CUL9: variants seen among roughly 807,000 people sequenced by gnomAD.
The protein encoded by CUL9 is cullin 9.
A neutral mutation model predicts 272.6 loss-of-function variants in CUL9; 79 were observed. That is an observed-to-expected ratio of 0.29 (90% CI 0.24 to 0.35). The LOEUF (loss-of-function observed/expected upper bound fraction) is 0.35. CUL9 is among the 10% of genes least tolerant of loss of function. CUL9 has a pLI of 1.00. For missense variants in CUL9, 2,532 were observed against 3,255.6 expected, an observed-to-expected ratio of 0.78 and a Z score of 5.41; for synonymous variants, 1,186 against 1,286.5, an observed-to-expected ratio of 0.92 and a Z score of 1.67.
chr6:43,189,695 C>G (rs1220886229), intron 8 of CUL9, among the ~76,000 whole-genome samples: 1 of 152,130 alleles, frequency 6.6e-6, no homozygotes, highest in African/African-American at 2.4e-5. Context: ...AGGTGCCCAC[C>G]ACCAGGCCCA....
Position 43,203,408 on chromosome 6 carries a change from A to G in CUL9, c.3850-9A>G. 1.2e-6 allele frequency: 2 copies of G among 1,613,720 alleles called. No individual in the cohort carries two copies. Among genetic ancestry groups the G allele is most frequent in the Non-Finnish European group, 1.7e-6 (2 of 1,179,850 alleles). ...GCTTGGGTGACAGATAAGTCTGTGC[A>G]TGTTCCAGGGCGGCATTGACACCCG... On this transcript the variant is annotated splice_polypyrimidine_tract_variant and intron_variant, in intron 18 of 40. Transcript: ENST00000252050. This position sits in a 1 kb window ranked among gnomAD's most constrained non-coding sequence, Gnocchi z 5.0.
At position 43,220,440 on chromosome 6, in the gene CUL9, C is replaced by G. The variant is rs746095801; in HGVS notation, c.6283-19C>G. ...CTCCCACACTGTCTGTGAGCAGCCC[C>G]TCCTTTTGTCCCTCCCAGTCTTGCT... On this transcript the variant is annotated intron_variant, in intron 31 of 40. Coordinates refer to ENST00000252050, the MANE Select transcript of CUL9 (RefSeq NM_015089.4). This position sits in a 1 kb window ranked among gnomAD's most constrained non-coding sequence, Gnocchi z 4.9. The G allele has an allele frequency of 4.3e-6, 7 of 1,613,708 alleles. No individual in the cohort carries two copies. The Admixed American group carries it at 1.0e-4, about 23-fold the overall frequency.
rs149758693 is a variant in CUL9 at position 43,184,113 on chromosome 6, G to A, written c.-9-189G>A. Among the ~76,000 whole-genome samples the A allele has an allele frequency of 1.3e-5, 2 of 152,114 alleles. No homozygotes were observed. Among genetic ancestry groups the A allele is most frequent in the African/African-American group, 4.8e-5 (2 of 41,492 alleles). ...TCTGTCTTCACTCCATTCTCCTTCTGTTATAAATCCCAAAGTATGTTCAGC... is the reference window on the plus strand; with the variant it reads ...TCTGTCTTCACTCCATTCTCCTTCTATTATAAATCCCAAAGTATGTTCAGC... On this transcript the variant is annotated intron_variant, in intron 1 of 40. Coordinates refer to ENST00000252050, the MANE Select transcript of CUL9 (RefSeq NM_015089.4). This position sits in a 1 kb window ranked among gnomAD's most constrained non-coding sequence, Gnocchi z 4.8.
Position 43,216,160 on chromosome 6 carries a change from C to T in CUL9, c.5939C>T (p.Pro1980Leu). Reference protein sequence around the residue: ...GSQSETSKPSPEAVATLASLQ... With the variant: ...GSQSETSKPSLEAVATLASLQ... ...TCTGTCTCTTCCCTCCCCACAAGCC[C>T]AGAAGCTGTGGCTACCCTGGCATCT... Residue 1980 changes from proline (P) to leucine (L), a missense_variant and splice_region_variant, in exon 31 of 41, where the codon CCA becomes CTA. Coordinates refer to ENST00000252050, the MANE Select transcript of CUL9 (RefSeq NM_015089.4). 1 of 1,601,308 alleles carries T rather than the reference C, an allele frequency of 6.2e-7. No individual in the cohort carries two copies.
At position 43,203,291 on chromosome 6, in the gene CUL9, T is replaced by C. The variant is rs1774771314; in HGVS notation, c.3849+87T>C. The C allele has an allele frequency of 6.9e-6, 11 of 1,593,590 alleles. No homozygotes were observed. Among genetic ancestry groups the C allele is most frequent in the Non-Finnish European group, 9.5e-6 (11 of 1,162,132 alleles). ...TCTGCTTGGGAGATGGCCCAGGACC[T>C]GTTGAGTCCCAGAGATGTGGGGATG... On this transcript the variant is annotated intron_variant, in intron 18 of 40. Coordinates refer to ENST00000252050, the MANE Select transcript of CUL9 (RefSeq NM_015089.4). The surrounding 1 kb of genome is among the most constrained non-coding windows in gnomAD (Gnocchi z 5.0).
At chr6:43,191,637 T>G (rs1582310802) in intron 8 of CUL9, among the ~76,000 whole-genome samples, 1 of 151,826 alleles carries the variant, frequency 6.6e-6, no homozygotes. Context: ...CAGGCTGGAG[T>G]GCAGCAGTGC....
intron 30 of CUL9, among the ~76,000 whole-genome samples, chr6:43,215,691 C>T (rs1775882108): frequency 6.6e-6 from 1 of 152,186 alleles, no homozygotes; most frequent in Non-Finnish European, 1.5e-5. Context: ...CTGCTGTTTG[C>T]ATCATGTGTA....
Position 43,184,861 on chromosome 6 carries a change from G to T in CUL9, c.551G>T (p.Arg184Leu), listed in dbSNP as rs773291608. The change falls in exon 2 of 41, where the codon CGG (arginine) becomes CTG (leucine). Residue 184 changes from arginine (R) to leucine (L), a missense_variant. By Grantham distance (102) the Arg-to-Leu change is moderately radical. Around this residue, in one of 3 missense-constraint regions of CUL9, gnomAD observed 2,218 missense variants for 2,788.6 expected, o/e 0.80. Coordinates refer to ENST00000252050, the MANE Select transcript of CUL9 (RefSeq NM_015089.4). This position sits in a 1 kb window ranked among gnomAD's most constrained non-coding sequence, Gnocchi z 4.8. The stretch of plus-strand genomic sequence containing the variant: ...TGCAATCCTGAGCCTCAGATCCGCC[G>T]GAGTGCAGGCAAAATGCTGCAGGCT... ...MLCNPEPQIR[R>L]SAGKMLQALA... The T allele has an allele frequency of 6.2e-7, 1 of 1,604,188 alleles. No individual in the cohort carries two copies. Among genetic ancestry groups the T allele is most frequent in the South Asian group, 1.1e-5 (1 of 91,056 alleles).
intron 7 of CUL9, 103 bp from the exon 8 acceptor site, chr6:43,188,420 A>T: frequency 8.8e-7 from 1 of 1,135,196 alleles, no homozygotes; most frequent in Non-Finnish European, 1.2e-6. Flanking sequence ...AGTAGCCGAT[A>T]ATGTGTTTAA....
At position 43,221,116 on chromosome 6, in the gene CUL9, C is replaced by G. The variant is rs1216206613; in HGVS notation, c.6589-42C>G. 1 of 1,600,950 alleles carries G rather than the reference C, an allele frequency of 6.2e-7. No homozygotes were observed. Among genetic ancestry groups the G allele is most frequent in the African/African-American group, 1.3e-5 (1 of 74,812 alleles). ...TCCTGTGCACACCAGCCATGCTGCCCTCACGGCTCAGCTGTGTCCCCACCA... is the reference window on the plus strand; with the variant it reads ...TCCTGTGCACACCAGCCATGCTGCCGTCACGGCTCAGCTGTGTCCCCACCA... On this transcript the variant is annotated intron_variant, in intron 33 of 40. Coordinates refer to ENST00000252050, the MANE Select transcript of CUL9 (RefSeq NM_015089.4). The surrounding 1 kb of genome is among the most constrained non-coding windows in gnomAD (Gnocchi z 4.2).
chr6:43,212,796 C>A, intron 26 of CUL9: 1 of 219,412 alleles, frequency 4.6e-6, no homozygotes, highest in South Asian at 8.2e-5. Context: ...GCTCACCTTG[C>A]CTGAGCTGTG....
rs1036022834 is a variant in CUL9, at chr6:43,186,802, C to T, written c.1252-158C>T. ...CCCACTCCTGATAAGGGAAGGAAGC[C>T]TTTTGCCATATGGGGGTTTTTCCAG... On this transcript the variant is annotated intron_variant, in intron 4 of 40. Coordinates refer to ENST00000252050, the MANE Select transcript of CUL9 (RefSeq NM_015089.4). 15 of 866,494 alleles carry T rather than the reference C, an allele frequency of 1.7e-5. No individual in the cohort carries two copies. The Admixed American group carries it at 2.0e-4, about 12-fold the overall frequency. 53.7% of individuals were successfully genotyped at this position (866,494 alleles called of 1,614,324 possible).
At chr6:43,191,291 T>TGTGTGTGTGC (rs1354600009) in intron 8 of CUL9, among the ~76,000 whole-genome samples, 5 of 145,754 alleles carry the variant, frequency 3.4e-5, no homozygotes, top group African/African-American at 1.3e-4. Flanking sequence ...TGTGTGTGTG[T>TGTGTGTGTGC]GCGTGTTGTT....
In CUL9 at chr6:43,221,595, G is replaced by C. The variant is rs1582439132; in HGVS notation, c.6753-90G>C. The C allele has an allele frequency of 2.5e-6, 3 of 1,210,532 alleles. No individual in the cohort carries two copies. Among genetic ancestry groups the C allele is most frequent in the African/African-American group, 1.5e-5 (1 of 67,220 alleles). The allele number at this position is 1,210,532 out of a possible 1,614,324, so 75.0% of individuals were successfully genotyped here. ...TATCAGGGCAGGAGCAGAGGCCACA[G>C]CATCAACAGCGGTACATCTGGGCCC... is the stretch of plus-strand genomic sequence containing the variant. On this transcript the variant is annotated intron_variant, in intron 34 of 40. Transcript: ENST00000252050. This position sits in a 1 kb window ranked among gnomAD's most constrained non-coding sequence, Gnocchi z 4.2.
intron 20 of CUL9, 134 bp from the exon 21 acceptor site, chr6:43,204,226 C>A: frequency 8.5e-7 from 1 of 1,173,176 alleles, no homozygotes; most frequent in Non-Finnish European, 1.2e-6. Context: ...TGAAACAAAC[C>A]TTGGTGAGGG....
In CUL9 at chr6:43,204,598, C is replaced by T. The variant is rs1171663417; in HGVS notation, c.4339+59C>T. 68 of 1,604,316 alleles carry T rather than the reference C, an allele frequency of 4.2e-5. No individual in the cohort carries two copies. In the South Asian group the frequency reaches 5.2e-4, roughly 12 times the overall value. ...TGCGGACAGTGGTGTATCTGGCTCCCTCCTCCCTGGGTCTTACTCTTGCTG... is the reference window on the plus strand; with the variant it reads ...TGCGGACAGTGGTGTATCTGGCTCCTTCCTCCCTGGGTCTTACTCTTGCTG... On this transcript the variant is annotated intron_variant, in intron 21 of 40. Transcript: ENST00000252050.
At position 43,218,451 on chromosome 6, in the gene CUL9, C is replaced by CAG. The variant is rs1328167207; in HGVS notation, c.6282+1948_6282+1949insAG. ...CAGGATGGTCTCGATCTCCTGACCTCGTGATCCACCCACCTCAGCCTCCCA... is the reference window on the plus strand; with the variant it reads ...CAGGATGGTCTCGATCTCCTGACCTCAGGTGATCCACCCACCTCAGCCTCCCA... On this transcript the variant is annotated intron_variant, in intron 31 of 40. Coordinates refer to ENST00000252050, the MANE Select transcript of CUL9 (RefSeq NM_015089.4). This position sits in a 1 kb window ranked among gnomAD's most constrained non-coding sequence, Gnocchi z 4.4. 1.3e-5 allele frequency among the ~76,000 whole-genome samples: 2 copies of CAG among 151,456 alleles called. No homozygotes were observed. Among genetic ancestry groups the CAG allele is most frequent in the Admixed American group, 6.6e-5 (1 of 15,214 alleles).
chr6:43,204,409 A>G lies in CUL9; in HGVS notation c.4209A>G (p.Glu1403=). The G allele has an allele frequency of 6.2e-7, 1 of 1,614,026 alleles. No individual in the cohort carries two copies. Among genetic ancestry groups the G allele is most frequent in the Non-Finnish European group, 8.5e-7 (1 of 1,179,994 alleles). Residue 1403 remains glutamate, a synonymous_variant, in exon 21 of 41, where the codon GAA becomes GAG. Coordinates refer to ENST00000252050, the MANE Select transcript of CUL9 (RefSeq NM_015089.4). ...ALGWLLDQYL[E]QRETSRNPLS... ...GATGGCTGCTGGATCAGTACTTAGAACAGAGAGAGACCTCTCGGAACCCCT... is the reference window on the plus strand; with the variant it reads ...GATGGCTGCTGGATCAGTACTTAGAGCAGAGAGAGACCTCTCGGAACCCCT...
rs111841139 is a variant in CUL9, at chr6:43,222,583, C to G, written c.6974C>G (p.Pro2325Arg). 1.2e-6 allele frequency: 2 copies of G among 1,613,542 alleles called. No individual in the cohort carries two copies. The highest frequency in any genetic ancestry group is 1.7e-5 in the Admixed American group (1 of 60,030). Reference protein sequence around the residue: ...NRVSAIHEVPPPRSFTFLNDA... With the variant: ...NRVSAIHEVPRPRSFTFLNDA... ...GTGTCTGCCATCCATGAAGTGCCCC[C>G]GCCCAGATCCTTCACCTTCCTCAAT... The change falls in exon 37 of 41, where the codon CCG becomes CGG. Residue 2325 changes from proline (P) to arginine (R), a missense_variant. Pro to Arg is a moderately radical substitution (Grantham distance 103). Coordinates refer to ENST00000252050, the MANE Select transcript of CUL9 (RefSeq NM_015089.4).
Sources: allele counts gnomAD v4.1 joint callset (sites outside exome capture counted in the v4.1 genomes callset), GRCh38; gene constraint gnomAD v4.1.1; regional missense constraint gnomAD v4.1.1; non-coding constraint Gnocchi (gnomAD v3.1); transcripts MANE v1.5; gene names NCBI Gene and HGNC (gene_info 2026-07-23, HGNC 2026-07-21).